XKR4: variants seen among roughly 807,000 people sequenced by gnomAD.
XKR4 encodes XK-related protein 4.
Under a neutral mutation model 53.9 loss-of-function variants are expected in XKR4, and 12 were observed. The observed-to-expected ratio is 0.22, with a 90% confidence interval of 0.14 to 0.36. The LOEUF (loss-of-function observed/expected upper bound fraction) is 0.36, where lower values mean the gene tolerates loss of function less well. XKR4 is among the 10% of genes least tolerant of loss of function. XKR4 has a pLI of 1.00. For missense variants in XKR4, 799 were observed against 859.5 expected (o/e 0.93, Z 0.88); for synonymous variants, 354 against 362.4 (o/e 0.98, Z 0.26).
chr8:55,484,886 A>G (rs754363686), intron 2 of XKR4, among the ~76,000 whole-genome samples: 1 of 152,146 alleles, frequency 6.6e-6, no homozygotes, highest in Non-Finnish European at 1.5e-5. Context: ...TGGCGCTTCT[A>G]TTTCTCTGGC....
At chr8:55,252,130 G>T (rs1299868811) in intron 1 of XKR4, among the ~76,000 whole-genome samples, 1 of 152,194 alleles carries the variant, frequency 6.6e-6, no homozygotes, top group African/African-American at 2.4e-5. Flanking sequence ...TTTAAATTAT[G>T]TGCATTTGTA....
intron 2 of XKR4, 123 bp from the exon 3 acceptor site, chr8:55,523,158 A>G (rs1371297079): frequency 7.4e-6 from 6 of 815,406 alleles, no homozygotes; most frequent in Non-Finnish European, 1.1e-5. Flanking sequence ...AAAAAAAAAA[A>G]GAAATTAAGA....
intron 2 of XKR4, among the ~76,000 whole-genome samples, chr8:55,365,568 ATGG>A (rs1159950948): frequency 1.3e-5 from 2 of 152,030 alleles, no homozygotes; most frequent in Non-Finnish European, 2.9e-5. Flanking sequence ...TTAGCCGGGC[ATGG>A]TGGCGCATGC....
intron 1 of XKR4, among the ~76,000 whole-genome samples, chr8:55,111,002 G>C (rs776199219): frequency 6.6e-6 from 1 of 152,038 alleles, no homozygotes; most frequent in Non-Finnish European, 1.5e-5. Context: ...GACACCATTA[G>C]GTCTTTTTTA....
chr8:55,129,958 G>T (rs188206651), intron 1 of XKR4, among the ~76,000 whole-genome samples: 119 of 152,218 alleles, frequency 7.8e-4, no homozygotes, highest in African/African-American at 2.7e-3. Flanking sequence ...TGTCCATCTG[G>T]TCACTTCCAT....
At chr8:55,340,660 T>G (rs535255332) in intron 1 of XKR4, among the ~76,000 whole-genome samples, 13 of 152,220 alleles carry the variant, frequency 8.5e-5, no homozygotes, top group African/African-American at 3.1e-4. Context: ...TTCTCATTCA[T>G]GAATTAGGGA....
intron 2 of XKR4, among the ~76,000 whole-genome samples, chr8:55,443,259 A>G (rs530241249): frequency 6.6e-5 from 10 of 152,208 alleles, no homozygotes; most frequent in African/African-American, 2.4e-4. Context: ...GCAATGTACA[A>G]TAAGAGCCAA....
At chr8:55,466,803 G>T (rs1182848516) in intron 2 of XKR4, among the ~76,000 whole-genome samples, 2 of 152,114 alleles carry the variant, frequency 1.3e-5, no homozygotes, top group Non-Finnish European at 1.5e-5. Flanking sequence ...TTATCAGTAA[G>T]TGATTCTAAA....
chr8:55,395,928 T>A (rs1285997471), intron 2 of XKR4, among the ~76,000 whole-genome samples: 2 of 152,208 alleles, frequency 1.3e-5, no homozygotes, highest in Non-Finnish European at 2.9e-5. Flanking sequence ...AAAAACCCAC[T>A]GTCTGCTGAG....
chr8:55,461,996 A>G (rs1032931473), intron 2 of XKR4, among the ~76,000 whole-genome samples: 1 of 152,226 alleles, frequency 6.6e-6, no homozygotes, highest in Admixed American at 6.5e-5. Flanking sequence ...ATCTACATCT[A>G]CTTGGTGTAC....
chr8:55,215,622 A>G (rs1273720462), intron 1 of XKR4, among the ~76,000 whole-genome samples: 3 of 152,178 alleles, frequency 2.0e-5, no homozygotes, highest in African/African-American at 7.2e-5. Context: ...AAAAAATCTG[A>G]TTTTTAGATT....
At chr8:55,505,934 A>T (rs1806520031) in intron 2 of XKR4, among the ~76,000 whole-genome samples, 1 of 152,258 alleles carries the variant, frequency 6.6e-6, no homozygotes, top group African/African-American at 2.4e-5. Context: ...TAATCTTCCT[A>T]TATCAAAATA....
chr8:55,302,479 G>T (rs541702859), intron 1 of XKR4, among the ~76,000 whole-genome samples: 1 of 152,294 alleles, frequency 6.6e-6, no homozygotes, highest in East Asian at 1.9e-4. Flanking sequence ...GACAATGTGG[G>T]CTCTTTTTTG....
intron 1 of XKR4, among the ~76,000 whole-genome samples, chr8:55,300,234 G>C (rs546249031): frequency 1.3e-5 from 2 of 152,306 alleles, no homozygotes; most frequent in Non-Finnish European, 2.9e-5. Flanking sequence ...TATGCTGTGT[G>C]TTGAAGGAGG....
chr8:55,257,495 A>C (rs939070687), intron 1 of XKR4, among the ~76,000 whole-genome samples: 1 of 152,024 alleles, frequency 6.6e-6, no homozygotes, highest in African/African-American at 2.4e-5. Context: ...TACTTAAGAG[A>C]AGAAAAAGAG....
rs536076807 is a variant in XKR4 at position 55,346,164 on chromosome 8, C to T, written c.807-11514C>T. ...GCAGTGGCACAATCTTGGCTCACTG[C>T]AACCTCCACCTCCTGGGTTCAAGTG... On this transcript the variant is annotated intron_variant, in intron 1 of 2. Transcript: ENST00000327381. Among the ~76,000 whole-genome samples, 3 of 151,546 alleles carry T rather than the reference C, an allele frequency of 2.0e-5. No homozygotes were observed. In the South Asian group the frequency reaches 6.3e-4, roughly 32 times the overall value.
At chr8:55,141,631 C>G (rs918904468) in intron 1 of XKR4, among the ~76,000 whole-genome samples, 7 of 146,128 alleles carry the variant, frequency 4.8e-5, no homozygotes, top group Non-Finnish European at 7.5e-5. Context: ...TTCTGTCTCT[C>G]TTGGTGCTTC....
At position 55,523,581 on chromosome 8, in the gene XKR4, T is replaced by C. The variant is rs1314194896; in HGVS notation, c.1307T>C (p.Val436Ala). Residue 436 changes from valine to alanine, a missense_variant, in exon 3 of 3, where the codon GTG becomes GCG. Around this residue, in one of 3 missense-constraint regions of XKR4, gnomAD observed 54 missense variants for 89.7 expected, o/e 0.60. Coordinates refer to ENST00000327381, the MANE Select transcript of XKR4 (RefSeq NM_052898.2). ...TKWEEIVFDM[V>A]VGIIYIFSWF... is the part of the protein sequence containing the mutation. ...TGGGAAGAGATTGTGTTCGACATGG[T>C]GGTGGGGATTATCTATATCTTCAGT... 6.2e-7 allele frequency: 1 copy of C among 1,614,092 alleles called. No individual in the cohort carries two copies. The highest frequency in any genetic ancestry group is 2.2e-5 in the East Asian group (1 of 44,886).
At chr8:55,243,669 AT>A (rs1818241989) in intron 1 of XKR4, among the ~76,000 whole-genome samples, 1 of 152,212 alleles carries the variant, frequency 6.6e-6, no homozygotes, top group African/African-American at 2.4e-5. Context: ...TGGCTTTAAC[AT>A]TTTGCATTCC....
Sources: gnomAD v4.1 joint callset for allele counts (sites outside exome capture counted in the v4.1 genomes callset) on GRCh38, gnomAD v4.1.1 for gene constraint, gnomAD v4.1.1 regional missense constraint, MANE v1.5 for transcripts, NCBI Gene and HGNC (gene_info 2026-07-23, HGNC 2026-07-21) for gene names.